SRGAP1: variants seen among roughly 807,000 people sequenced by gnomAD.
SRGAP1 encodes SLIT-ROBO Rho GTPase activating protein 1.
SRGAP1 carries 43 observed loss-of-function variants against 121.9 expected under a neutral mutation model. That is an observed-to-expected ratio of 0.35 (90% CI 0.28 to 0.46). SRGAP1 has a LOEUF of 0.46. Among genes scored for constraint, SRGAP1 ranks in the 20% least tolerant of loss-of-function variants. SRGAP1 has a pLI of 1.00. For synonymous variants in SRGAP1, 447 were observed against 485.4 expected (o/e 0.92, Z 1.04); for missense variants, 1,102 against 1,350.9 (o/e 0.82, Z 2.89).
At chr12:64,008,018 A>T (rs1346864384) in intron 3 of SRGAP1, among the ~76,000 whole-genome samples, 2 of 152,232 alleles carry the variant, frequency 1.3e-5, no homozygotes, top group Non-Finnish European at 2.9e-5. Flanking sequence ...TAATAATAGC[A>T]TCATAATGAC....
chr12:63,868,173 CTGGGTT>C (rs1188729200), intron 1 of SRGAP1, among the ~76,000 whole-genome samples: 1 of 146,552 alleles, frequency 6.8e-6, no homozygotes, highest in Non-Finnish European at 1.5e-5. Flanking sequence ...CCTCCGCCTC[CTGGGTT>C]CAAGCCATTC....
At chr12:63,936,666 A>G (rs933577367) in intron 1 of SRGAP1, among the ~76,000 whole-genome samples, 2 of 152,156 alleles carry the variant, frequency 1.3e-5, no homozygotes, top group Admixed American at 6.5e-5. Flanking sequence ...TAGGTGAACT[A>G]GTTTCTTCCG....
At chr12:63,920,659 G>T (rs1179052434) in intron 1 of SRGAP1, among the ~76,000 whole-genome samples, 1 of 152,206 alleles carries the variant, frequency 6.6e-6, no homozygotes, top group Non-Finnish European at 1.5e-5. Context: ...GTTAAGGCAA[G>T]AGATAGTTCT....
At chr12:63,915,783 A>G (rs1220378704) in intron 1 of SRGAP1, among the ~76,000 whole-genome samples, 3 of 152,176 alleles carry the variant, frequency 2.0e-5, no homozygotes, top group African/African-American at 7.2e-5. Context: ...ACCAAATGTG[A>G]TTTGCCCTGA....
At chr12:63,992,375 C>A (rs1007137551) in intron 3 of SRGAP1, among the ~76,000 whole-genome samples, 1 of 152,130 alleles carries the variant, frequency 6.6e-6, no homozygotes, top group African/African-American at 2.4e-5. Context: ...GCTCTCCATT[C>A]TTGAGGAAGC....
chr12:64,074,482 C>T (rs1301230575), intron 8 of SRGAP1, among the ~76,000 whole-genome samples: 4 of 152,146 alleles, frequency 2.6e-5, no homozygotes, highest in Non-Finnish European at 5.9e-5. Context: ...GCTATGCACT[C>T]CTACTTCTCA....
At chr12:64,031,926 T>C (rs2034789642) in intron 4 of SRGAP1, among the ~76,000 whole-genome samples, 1 of 152,164 alleles carries the variant, frequency 6.6e-6, no homozygotes, top group Admixed American at 6.5e-5. Context: ...CAGAGTTATT[T>C]TGCAGCAAAG....
intron 1 of SRGAP1, among the ~76,000 whole-genome samples, chr12:63,930,378 AT>A (rs1028803069): frequency 2.0e-5 from 3 of 148,716 alleles, no homozygotes; most frequent in African/African-American, 4.9e-5. Flanking sequence ...TATTCAAATC[AT>A]TTTTTTTCTT....
At chr12:64,139,104 A>T (rs2036915379) in intron 21 of SRGAP1, among the ~76,000 whole-genome samples, 1 of 152,262 alleles carries the variant, frequency 6.6e-6, no homozygotes, top group African/African-American at 2.4e-5. Context: ...AACAAGGTGC[A>T]GGAAAATTCA....
At chr12:64,016,430 T>C (rs1317220333) in intron 3 of SRGAP1, among the ~76,000 whole-genome samples, 1 of 152,094 alleles carries the variant, frequency 6.6e-6, no homozygotes, top group Non-Finnish European at 1.5e-5. Flanking sequence ...AAGGTTGCGG[T>C]GAGCTGTGAG....
chr12:64,080,104 G>T (rs559013829), intron 9 of SRGAP1, among the ~76,000 whole-genome samples, 182 bp from the exon 10 acceptor site: 85 of 152,106 alleles, frequency 5.6e-4, no homozygotes, highest in Non-Finnish European at 9.1e-4. Context: ...TTAGCCAGGT[G>T]TGGTGGCGGG....
chr12:63,874,402 A>G (rs996430857), intron 1 of SRGAP1, among the ~76,000 whole-genome samples: 1 of 151,966 alleles, frequency 6.6e-6, no homozygotes, highest in African/African-American at 2.4e-5. Flanking sequence ...ACAGGGTTTC[A>G]CCATGTTAGC....
intron 3 of SRGAP1, among the ~76,000 whole-genome samples, chr12:63,991,556 A>T (rs528730987): frequency 1.3e-5 from 2 of 152,382 alleles, no homozygotes; most frequent in South Asian, 4.1e-4. Context: ...GTAGAGTTTT[A>T]AAAAAATAAT....
intron 1 of SRGAP1, among the ~76,000 whole-genome samples, chr12:63,912,680 G>A (rs1203205156): frequency 2.6e-5 from 4 of 151,944 alleles, no homozygotes; most frequent in Non-Finnish European, 5.9e-5. Context: ...CCATTCTGCT[G>A]GGACAGATAG....
chr12:64,015,598 C>T (rs1246153743), intron 3 of SRGAP1, among the ~76,000 whole-genome samples: 1 of 152,186 alleles, frequency 6.6e-6, no homozygotes, highest in African/African-American at 2.4e-5. Flanking sequence ...CATGAGTCTT[C>T]AGTCTATCAT....
chr12:64,103,127 G>C (rs2036285851), intron 15 of SRGAP1, among the ~76,000 whole-genome samples: 2 of 151,996 alleles, frequency 1.3e-5, no homozygotes, highest in Admixed American at 6.6e-5. Context: ...CCACAGGCGT[G>C]CACCACCACA....
intron 1 of SRGAP1, among the ~76,000 whole-genome samples, chr12:63,949,087 CCA>C (rs2032177763): frequency 1.1e-5 from 1 of 90,832 alleles, no homozygotes; most frequent in Non-Finnish European, 2.3e-5. Context: ...TATGTATTTT[CCA>C]TATATGTATT....
intron 1 of SRGAP1, among the ~76,000 whole-genome samples, chr12:63,924,165 A>C (rs550540980): frequency 6.6e-6 from 1 of 152,254 alleles, no homozygotes; most frequent in African/African-American, 2.4e-5. Context: ...TTAAAAGAAA[A>C]AAGAAAAAAA....
chr12:63,876,279 A>G (rs1050083924), intron 1 of SRGAP1, among the ~76,000 whole-genome samples: 1 of 152,164 alleles, frequency 6.6e-6, no homozygotes, highest in African/African-American at 2.4e-5. Context: ...AATCCGCTTG[A>G]TGGTGATATT....
Sources: gnomAD v4.1 joint callset for allele counts (sites outside exome capture counted in the v4.1 genomes callset) on GRCh38, gnomAD v4.1.1 for gene constraint, MANE v1.5 for transcripts, NCBI Gene and HGNC (gene_info 2026-07-23, HGNC 2026-07-21) for gene names.